Variants in PHEX observed in about 807,000 individuals in gnomAD.
PHEX encodes the protein phosphate regulating endopeptidase X-linked, also known as phosphate-regulating neutral endopeptidase PHEX.
PHEX carries 16 observed loss-of-function variants against 68.0 expected under a neutral mutation model. That is an observed-to-expected ratio of 0.24 (90% CI 0.16 to 0.36). The LOEUF is 0.36. Ranked by LOEUF, PHEX falls within the 10% of genes least tolerant of loss-of-function variation. The pLI, the probability that PHEX is intolerant of heterozygous loss-of-function variation, is 1.00. For missense variants in PHEX, 480 were observed against 575.5 expected (o/e 0.83, Z 1.70); for synonymous variants, 208 against 205.1 (o/e 1.01, Z -0.12).
intron 3 of PHEX, among the ~76,000 whole-genome samples, chrX:22,051,445 C>G (rs1256957976): frequency 9.0e-6 from 1 of 111,232 alleles, no homozygotes; most frequent in Non-Finnish European, 1.9e-5. Flanking sequence ...GCAGGAGAAT[C>G]GCTTGAACCC....
intron 18 of PHEX, among the ~76,000 whole-genome samples, chrX:22,224,984 G>GCGCTGTATGATTTATTATCATACAT (rs1255582592): frequency 9.3e-6 from 1 of 107,537 alleles, no homozygotes; most frequent in African/African-American, 3.4e-5. Context: ...TTATCATACA[G>GCGCTGTATGATTTATTATCATACAT]CTCTGTATGT....
chrX:22,120,089 G>A (rs1931424333), intron 11 of PHEX, among the ~76,000 whole-genome samples: 1 of 111,622 alleles, frequency 9.0e-6, no homozygotes, highest in African/African-American at 3.3e-5. Context: ...GATAATAACA[G>A]TAGCAGTTAG....
At chrX:22,183,122 G>T (rs1250154851) in intron 14 of PHEX, among the ~76,000 whole-genome samples, 3 of 109,009 alleles carry the variant, frequency 2.8e-5, no homozygotes, top group African/African-American at 1.0e-4. Context: ...CTAATATTCT[G>T]ATTTCTAGAT....
intron 2 of PHEX, among the ~76,000 whole-genome samples, chrX:22,041,302 T>TATATATATATATA (rs1569367522): frequency 5.1e-5 from 5 of 97,669 alleles, no homozygotes; most frequent in East Asian, 3.2e-4. Flanking sequence ...TATATATATA[T>TATATATATATATA]TTTAACCAGG....
At chrX:22,093,930 C>T in intron 6 of PHEX, 53 bp from the exon 7 acceptor site, 1 of 762,407 alleles carries the variant, frequency 1.3e-6, no homozygotes, top group East Asian at 3.3e-5. Context: ...GTCTCTCAAA[C>T]ATATTTCCTA....
At chrX:22,175,714 T>C (rs1161361503) in intron 13 of PHEX, among the ~76,000 whole-genome samples, 1 of 102,236 alleles carries the variant, frequency 9.8e-6, no homozygotes, top group African/African-American at 3.7e-5. Flanking sequence ...TATCAAGGGA[T>C]TTTTTTTTTT....
intron 14 of PHEX, among the ~76,000 whole-genome samples, chrX:22,189,495 G>T (rs1934130738): frequency 9.0e-6 from 1 of 111,571 alleles, no homozygotes; most frequent in Admixed American, 9.5e-5. Context: ...CCAGAACTTT[G>T]GGAGGCTGAA....
At chrX:22,151,521 G>A (rs1477246854) in intron 12 of PHEX, among the ~76,000 whole-genome samples, 1 of 111,545 alleles carries the variant, frequency 9.0e-6, no homozygotes, top group Non-Finnish European at 1.9e-5. Context: ...ATGTGGGCCA[G>A]GAATCCTTGG....
rs143539006 is a variant in PHEX at position 22,060,236 on chromosome X, C to A, written c.349+13025C>A. ...GTGCAAATGATTGGAAATAGTAATA[C>A]ACCAAGTAGAGTGTTTATCCATAAG... On this transcript the variant is annotated intron_variant, in intron 3 of 21. Coordinates refer to ENST00000379374, the MANE Select transcript of PHEX (RefSeq NM_000444.6). 3.9e-3 allele frequency among the ~76,000 whole-genome samples: 426 copies of A among 109,546 alleles called. 1 individual carries two copies. The highest frequency in any genetic ancestry group is 0.013 in the African/African-American group (396 of 30,001).
At chrX:22,081,365 T>C (rs986145682) in intron 5 of PHEX, among the ~76,000 whole-genome samples, 1 of 112,067 alleles carries the variant, frequency 8.9e-6, no homozygotes, top group Non-Finnish European at 1.9e-5. Context: ...TCAGTTCCTC[T>C]GCTCATGAGA....
intron 9 of PHEX, among the ~76,000 whole-genome samples, chrX:22,109,083 A>G (rs1173726796): frequency 8.9e-6 from 1 of 112,022 alleles, no homozygotes; most frequent in Non-Finnish European, 1.9e-5. Context: ...TGAAATGATT[A>G]TTGATGATGT....
chrX:22,169,313 AT>A (rs1933444889), intron 13 of PHEX, among the ~76,000 whole-genome samples: 1 of 112,269 alleles, frequency 8.9e-6, no homozygotes. Flanking sequence ...CTGGAAGAAA[AT>A]AATGATGCCT....
At chrX:22,097,689 G>C in intron 8 of PHEX, 1 of 667,299 alleles carries the variant, frequency 1.5e-6, no homozygotes, top group Non-Finnish European at 1.8e-6. Context: ...TTTTAGAGTA[G>C]CCAATCTAAA....
At chrX:22,097,110 T>C in intron 8 of PHEX, 72 bp downstream of exon 8, 3 of 748,780 alleles carry the variant, frequency 4.0e-6, no homozygotes, top group Non-Finnish European at 6.3e-6. Flanking sequence ...CATCTCTGTG[T>C]AAATTTGTGT....
chrX:22,134,284 C>A (rs1433948394), intron 12 of PHEX, among the ~76,000 whole-genome samples: 1 of 112,320 alleles, frequency 8.9e-6, no homozygotes, highest in Non-Finnish European at 1.9e-5. Context: ...GTATTGACAG[C>A]CATGCTGTTT....
chrX:22,089,417 GT>G (rs1209292004), intron 5 of PHEX, among the ~76,000 whole-genome samples: 2 of 96,671 alleles, frequency 2.1e-5, no homozygotes, highest in East Asian at 3.2e-4. Flanking sequence ...TTTTTTTTTT[GT>G]TTTTTTTGTT....
chrX:22,114,496 C>T lies in PHEX; in HGVS notation c.1212C>T (p.Asp404=). 8.4e-7 allele frequency: 1 copy of T among 1,195,765 alleles called. No homozygotes were observed. Among genetic ancestry groups the T allele is most frequent in the Non-Finnish European group, 1.1e-6 (1 of 881,204 alleles). ...CCACAACTTTGCTGCCTCAATGGGA[C>T]AAATGTGTAAACTTTATTGAAAGTG... The part of the protein sequence containing the change: ...QGTTTLLPQW[D]KCVNFIESAL... Residue 404 remains aspartate, a synonymous_variant, in exon 11 of 22, where the codon GAC becomes GAT. Coordinates refer to ENST00000379374, the MANE Select transcript of PHEX (RefSeq NM_000444.6).
chrX:22,094,139 C>G (rs748376198), intron 7 of PHEX, 40 bp downstream of exon 7: 16 of 773,433 alleles, frequency 2.1e-5, no homozygotes, highest in Non-Finnish European at 3.2e-5. Context: ...CCTTTACTTT[C>G]TTTTCTTTTC....
At chrX:22,226,170 A>G (rs993189566) in intron 18 of PHEX, among the ~76,000 whole-genome samples, 3 of 111,592 alleles carry the variant, frequency 2.7e-5, no homozygotes, top group African/African-American at 9.8e-5. Context: ...TTAACATTTT[A>G]TTGGAGCTGG....
Sources: gnomAD v4.1 joint callset for allele counts (sites outside exome capture counted in the v4.1 genomes callset) on GRCh38, gnomAD v4.1.1 for gene constraint, MANE v1.5 for transcripts, NCBI Gene and HGNC (gene_info 2026-07-23, HGNC 2026-07-21) for gene names.